Variants in PRSS23 observed in about 807,000 individuals in gnomAD.
PRSS23 encodes serine protease 23.
A neutral mutation model predicts 34.7 loss-of-function variants in PRSS23; 25 were observed. The ratio of observed to expected loss-of-function variants is 0.72; its 90% CI spans 0.53 to 1.01. The LOEUF (loss-of-function observed/expected upper bound fraction) is 1.01, where lower values mean the gene tolerates loss of function less well. PRSS23 is among the 50% of genes least tolerant of loss of function. The pLI, the probability that PRSS23 is intolerant of heterozygous loss-of-function variation, is 0.00. For synonymous variants in PRSS23, 176 were observed against 186.6 expected, an observed-to-expected ratio of 0.94 and a Z score of 0.46; for missense variants, 445 against 475.6, an observed-to-expected ratio of 0.94 and a Z score of 0.60.
intron 2 of PRSS23, chr11:86,937,405 G>C (rs974540538): frequency 1.3e-5 from 2 of 152,240 alleles, no homozygotes; most frequent in African/African-American, 2.4e-5. Flanking sequence ...ATCTTGAGTA[G>C]GGGCTGGGTA....
At chr11:86,792,188 G>C (rs1249187006) in intron 1 of PRSS23, among the ~76,000 whole-genome samples, 1 of 151,298 alleles carries the variant, frequency 6.6e-6, no homozygotes, top group Non-Finnish European at 1.5e-5. Context: ...AGCTGACTTT[G>C]GTAGGCCTCG....
chr11:86,817,521 T>C (rs1266180388), intron 1 of PRSS23, among the ~76,000 whole-genome samples: 1 of 152,210 alleles, frequency 6.6e-6, no homozygotes, highest in African/African-American at 2.4e-5. Context: ...ATTCTAGAAG[T>C]AAGACAAAGA....
intron 2 of PRSS23, chr11:86,940,896 A>C (rs981518912): frequency 6.6e-6 from 1 of 152,264 alleles, no homozygotes; most frequent in African/African-American, 2.4e-5. Flanking sequence ...TAAGAGAAGA[A>C]GGTTCAGAGG....
At chr11:86,948,793 A>G (rs886411409) in intron 2 of PRSS23, 3 of 152,496 alleles carry the variant, frequency 2.0e-5, no homozygotes, top group African/African-American at 7.2e-5. Flanking sequence ...TGGTCACACA[A>G]TCACTGACAC....
chr11:86,822,296 G>T (rs1158091822), intron 1 of PRSS23, among the ~76,000 whole-genome samples: 1 of 152,160 alleles, frequency 6.6e-6, no homozygotes. Context: ...TCATTTAGGA[G>T]ATGAAATGTT....
intron 2 of PRSS23, among the ~76,000 whole-genome samples, chr11:86,824,791 C>T (rs2134879341): frequency 6.6e-6 from 1 of 152,048 alleles, no homozygotes; most frequent in East Asian, 1.9e-4. Context: ...TATCCATGTC[C>T]CTACAAAGGA....
At chr11:86,863,862 A>G (rs981598523) in intron 2 of PRSS23, among the ~76,000 whole-genome samples, 1 of 152,252 alleles carries the variant, frequency 6.6e-6, no homozygotes, top group African/African-American at 2.4e-5. Flanking sequence ...GCAAGGCTGC[A>G]TTGTAATTCT....
intron 2 of PRSS23, chr11:86,910,789 C>T (rs1189926813): frequency 2.0e-5 from 3 of 152,118 alleles, no homozygotes; most frequent in Non-Finnish European, 4.4e-5. Flanking sequence ...CAAGTTCTCC[C>T]ACTTTAATAG....
chr11:86,874,362 A>C (rs2508424), intron 2 of PRSS23, among the ~76,000 whole-genome samples: 3 of 152,074 alleles, frequency 2.0e-5, no homozygotes, highest in Non-Finnish European at 4.4e-5. Flanking sequence ...AAATGATGAA[A>C]CATTTGTTAA....
chr11:86,929,329 A>C (rs922895412), intron 2 of PRSS23, among the ~76,000 whole-genome samples: 2 of 149,846 alleles, frequency 1.3e-5, no homozygotes, highest in East Asian at 2.0e-4. Flanking sequence ...TCTCAAAAAA[A>C]AAAAACAAAA....
chr11:86,858,483 C>A (rs55990329), intron 2 of PRSS23, among the ~76,000 whole-genome samples: 23,625 of 151,894 alleles, frequency 0.16, 1,972 homozygotes, highest in East Asian at 0.29. Context: ...CTCCCAATAT[C>A]TCAGGGGGTG....
rs182889126 is a variant in PRSS23, at chr11:86,816,351, G to C, written c.-11-7026G>C. 8.3e-4 allele frequency among the ~76,000 whole-genome samples: 126 copies of C among 152,248 alleles called. 1 individual carries two copies. The highest frequency in any genetic ancestry group is 3.0e-3 in the African/African-American group (123 of 41,548). Reference sequence around the variant, plus strand: ...TGTTCATGCGTCTTCTCCTTTTGAGGTCACTGTAGTCATGACTCTTGCTCT... The same window carrying C: ...TGTTCATGCGTCTTCTCCTTTTGAGCTCACTGTAGTCATGACTCTTGCTCT... On this transcript the variant is annotated intron_variant, in intron 1 of 2. Transcript: ENST00000533902.
intron 2 of PRSS23, among the ~76,000 whole-genome samples, chr11:86,849,910 C>A (rs554260840): frequency 8.5e-5 from 13 of 152,140 alleles, no homozygotes; most frequent in Non-Finnish European, 1.8e-4. Context: ...GAGCCCTAGA[C>A]ATAGTAACAG....
intron 2 of PRSS23, among the ~76,000 whole-genome samples, chr11:86,898,368 A>C (rs1386169505): frequency 6.6e-6 from 1 of 152,218 alleles, no homozygotes; most frequent in African/African-American, 2.4e-5. Flanking sequence ...TATTTCAGAA[A>C]GCTCCCATAA....
At chr11:86,902,565 G>T (rs535245930) in intron 2 of PRSS23, among the ~76,000 whole-genome samples, 1 of 152,134 alleles carries the variant, frequency 6.6e-6, no homozygotes, top group African/African-American at 2.4e-5. Flanking sequence ...CCAGATAACA[G>T]CTAACAGGCA....
At chr11:86,829,294 G>C (rs1405356634) in intron 2 of PRSS23, among the ~76,000 whole-genome samples, 1 of 152,120 alleles carries the variant, frequency 6.6e-6, no homozygotes, top group Non-Finnish European at 1.5e-5. Flanking sequence ...ATCGGCTCCT[G>C]AGGCTTCTGC....
chr11:86,811,920 C>T (rs1948181580), downstream of PRSS23, among the ~76,000 whole-genome samples: 1 of 152,156 alleles, frequency 6.6e-6, no homozygotes, highest in Non-Finnish European at 1.5e-5. Context: ...CCCCAACACT[C>T]ACTGAGGGCT....
rs143513117 is a variant in PRSS23 at position 86,807,672 on chromosome 11, T to G, written c.29T>G (p.Leu10Arg). 2.9e-3 allele frequency: 4,647 copies of G among 1,612,696 alleles called. 12 individuals carry two copies. The highest frequency in any genetic ancestry group is 3.6e-3 in the Non-Finnish European group (4,225 of 1,179,188). ...GCAGGGATTCCAGGGCTCCTCTTCC[T>G]TCTCTTCTTTCTGCTCTGTGCTGTT... MAGIPGLLF[L>R]LFFLLCAVGQ... is the part of the protein sequence containing the mutation. The change falls in exon 2 of 2, where the codon CTT (leucine) becomes CGT (arginine). Residue 10 changes from leucine to arginine, a missense_variant. Leu to Arg is a moderately radical substitution (Grantham distance 102, BLOSUM62 -2). Transcript: ENST00000280258.
At chr11:86,878,958 C>T (rs1948746824) in intron 2 of PRSS23, among the ~76,000 whole-genome samples, 1 of 133,322 alleles carries the variant, frequency 7.5e-6, no homozygotes, top group Non-Finnish European at 1.6e-5. Flanking sequence ...GCCCGGCCGC[C>T]ATCCCGTCTA....
Sources: allele counts gnomAD v4.1 joint callset (sites outside exome capture counted in the v4.1 genomes callset), GRCh38; gene constraint gnomAD v4.1.1; transcripts MANE v1.5; gene names NCBI Gene and HGNC (gene_info 2026-07-23, HGNC 2026-07-21).